Variants in RALGPS1 observed in about 807,000 individuals in gnomAD.
The protein encoded by RALGPS1 is Ral GEF with PH domain and SH3 binding motif 1, also known as ras-specific guanine nucleotide-releasing factor RalGPS1.
Under a neutral mutation model 78.8 loss-of-function variants are expected in RALGPS1, and 19 were observed. The ratio of observed to expected loss-of-function variants is 0.24; its 90% CI spans 0.17 to 0.35. RALGPS1 has a LOEUF of 0.35. RALGPS1 is among the 10% of genes least tolerant of loss of function. RALGPS1 has a pLI of 1.00. For missense variants in RALGPS1, 454 were observed against 688.3 expected (o/e 0.66, Z 3.81); for synonymous variants, 228 against 256.3 (o/e 0.89, Z 1.06).
chr9:126,917,783 G>A (rs1243285939), intron 1 of RALGPS1, among the ~76,000 whole-genome samples: 2 of 152,188 alleles, frequency 1.3e-5, no homozygotes, highest in East Asian at 3.8e-4. Context: ...GGAATTCTGA[G>A]GCCTCTATTT....
chr9:127,147,500 A>C (rs1024972623), intron 8 of RALGPS1, among the ~76,000 whole-genome samples: 1 of 152,206 alleles, frequency 6.6e-6, no homozygotes. Context: ...TAGGACTTTT[A>C]ATAGTTTAAG....
chr9:127,188,154 T>A (rs938555023), intron 11 of RALGPS1, among the ~76,000 whole-genome samples: 31 of 145,948 alleles, frequency 2.1e-4, no homozygotes, highest in African/African-American at 5.8e-4. Context: ...CTCTGCCTCC[T>A]GGGTTCAAGT....
intron 4 of RALGPS1, among the ~76,000 whole-genome samples, chr9:127,013,210 A>G (rs1182041008): frequency 6.6e-6 from 1 of 152,194 alleles, no homozygotes; most frequent in Non-Finnish European, 1.5e-5. Context: ...TCTAAAGCAA[A>G]GGTGAGGAGC....
At chr9:127,165,980 A>AT in intron 8 of RALGPS1, 89 bp from the exon 9 acceptor site, 2 of 1,452,196 alleles carry the variant, frequency 1.4e-6, no homozygotes. Flanking sequence ...CACCCTTTAT[A>AT]TTTTTTAGCA....
At chr9:127,187,848 C>T (rs1255185847) in intron 11 of RALGPS1, among the ~76,000 whole-genome samples, 4 of 152,132 alleles carry the variant, frequency 2.6e-5, no homozygotes, top group Non-Finnish European at 5.9e-5. Flanking sequence ...TCCTTTGGAA[C>T]GGAGCCTGCC....
At chr9:127,000,354 G>A (rs141727551) in intron 4 of RALGPS1, among the ~76,000 whole-genome samples, 3 of 152,144 alleles carry the variant, frequency 2.0e-5, no homozygotes, top group African/African-American at 4.8e-5. Context: ...TCTAAGTGCT[G>A]CTCTAGCTTT....
intron 5 of RALGPS1, among the ~76,000 whole-genome samples, chr9:127,037,624 C>T (rs541221808): frequency 6.6e-6 from 1 of 152,256 alleles, no homozygotes; most frequent in Admixed American, 6.5e-5. Flanking sequence ...CCTCCAGGTT[C>T]TGCTTTCCTC....
intron 8 of RALGPS1, among the ~76,000 whole-genome samples, chr9:127,124,182 CT>C (rs1467930487): frequency 3.3e-5 from 5 of 152,182 alleles, no homozygotes; most frequent in Non-Finnish European, 5.9e-5. Context: ...TTGTGACTTG[CT>C]TGTGACCAGA....
chr9:127,032,755 C>T (rs942259254), intron 4 of RALGPS1, among the ~76,000 whole-genome samples: 3 of 151,974 alleles, frequency 2.0e-5, no homozygotes, highest in South Asian at 2.1e-4. Context: ...TTTTGGAGGC[C>T]GAAGCAAGAA....
intron 10 of RALGPS1, among the ~76,000 whole-genome samples, chr9:127,174,294 AGAAAG>A (rs2059726501): frequency 2.2e-5 from 3 of 138,678 alleles, no homozygotes; most frequent in African/African-American, 1.0e-4. Context: ...AGAAAGAGAA[AGAAAG>A]AGAAAGAAAG....
chr9:127,011,912 G>T (rs933957397), intron 4 of RALGPS1, among the ~76,000 whole-genome samples: 2 of 152,172 alleles, frequency 1.3e-5, no homozygotes, highest in Non-Finnish European at 2.9e-5. Context: ...GCAGGAAGAA[G>T]CCAGATTATT....
At chr9:127,073,668 C>T (rs1018390111) in intron 8 of RALGPS1, among the ~76,000 whole-genome samples, 3 of 152,050 alleles carry the variant, frequency 2.0e-5, no homozygotes, top group East Asian at 1.9e-4. Flanking sequence ...TTCAAGCAAT[C>T]GCTATACTGT....
At chr9:126,958,245 A>G (rs2038559820) in intron 1 of RALGPS1, among the ~76,000 whole-genome samples, 1 of 151,344 alleles carries the variant, frequency 6.6e-6, no homozygotes, top group Non-Finnish European at 1.5e-5. Flanking sequence ...AGTTCAGATC[A>G]CCATCATGAA....
In RALGPS1 at chr9:127,152,443, TG is replaced by T. The variant is rs1387937758; in HGVS notation, c.611-13624del. Among the ~76,000 whole-genome samples the T allele has an allele frequency of 3.3e-5, 5 of 152,292 alleles. No individual in the cohort carries two copies. In the East Asian group the frequency reaches 7.7e-4, roughly 23 times the overall value. On this transcript the variant is annotated intron_variant, in intron 8 of 18. Transcript: ENST00000259351. ...CAATCTACAAATGAATGTGAGAAGA[TG>T]GTGGGCAAAAGAGTGAGTCAGAGCA...
At chr9:126,989,772 C>T in intron 4 of RALGPS1, 1 of 1,378,354 alleles carries the variant, frequency 7.3e-7, no homozygotes, top group Non-Finnish European at 9.6e-7. Context: ...AGATAAAATA[C>T]ATATTCCTGT....
intron 11 of RALGPS1, chr9:127,178,043 G>A: frequency 6.7e-7 from 1 of 1,486,462 alleles, no homozygotes; most frequent in Non-Finnish European, 9.0e-7. Context: ...GGCCGGCCCA[G>A]GGTCCTGGGG....
chr9:127,210,896 A>G, intron 14 of RALGPS1: 1 of 849,176 alleles, frequency 1.2e-6, no homozygotes. Context: ...TGCCTACATG[A>G]GTCTACTGCC....
At chr9:127,021,666 G>A (rs1280939578) in intron 4 of RALGPS1, among the ~76,000 whole-genome samples, 3 of 136,038 alleles carry the variant, frequency 2.2e-5, no homozygotes, top group East Asian at 2.1e-4. Flanking sequence ...TCTGAATGAT[G>A]TATTCGGAAA....
At chr9:127,096,086 C>G (rs1470610271) in intron 8 of RALGPS1, among the ~76,000 whole-genome samples, 1 of 152,210 alleles carries the variant, frequency 6.6e-6, no homozygotes, top group African/African-American at 2.4e-5. Context: ...GCTCCCCACC[C>G]CAGGGTAGCA....
Sources: gnomAD v4.1 joint callset for allele counts (sites outside exome capture counted in the v4.1 genomes callset) on GRCh38, gnomAD v4.1.1 for gene constraint, MANE v1.5 for transcripts, NCBI Gene and HGNC (gene_info 2026-07-23, HGNC 2026-07-21) for gene names.